Variants in LIPC observed in about 807,000 individuals in gnomAD.
The protein encoded by LIPC is hepatic triacylglycerol lipase.
Under a neutral mutation model 50.7 loss-of-function variants are expected in LIPC, and 44 were observed. The ratio of observed to expected loss-of-function variants is 0.87; its 90% CI spans 0.68 to 1.11. The LOEUF (loss-of-function observed/expected upper bound fraction) is 1.11. Ranked by LOEUF, LIPC falls within the 50% of genes most tolerant of loss-of-function variation. LIPC has a pLI of 0.00. For synonymous variants in LIPC, 271 were observed against 256.4 expected (o/e 1.06, Z -0.54); for missense variants, 697 against 648.2 (o/e 1.08, Z -0.82).
At position 58,526,586 on chromosome 15, in the gene LIPC, C is replaced by G. The variant is rs967591895; in HGVS notation, c.89-11747C>G. 2.0e-4 allele frequency among the ~76,000 whole-genome samples: 30 copies of G among 152,298 alleles called. 1 individual carries two copies. The highest frequency in any genetic ancestry group is 3.8e-4 in the Non-Finnish European group (26 of 68,026). On this transcript the variant is annotated intron_variant, in intron 1 of 8. Transcript: ENST00000299022. Reference sequence around the variant, plus strand: ...TTTTCTTGGCACAAAGGCACCGCGCCAAGCTACACAGCTAAGGCAGTGTGC... The same window carrying G: ...TTTTCTTGGCACAAAGGCACCGCGCGAAGCTACACAGCTAAGGCAGTGTGC...
Position 58,432,332 on chromosome 15 carries a change from T to C in LIPC, c.88+212T>C, listed in dbSNP as rs935740606. ...GAAAATCATCCTCGGATTAAAAGTCTTCTAAGAGTGCCTGCAGCTAGCAGT... is the reference window on the plus strand; with the variant it reads ...GAAAATCATCCTCGGATTAAAAGTCCTCTAAGAGTGCCTGCAGCTAGCAGT... On this transcript the variant is annotated intron_variant, in intron 1 of 8. Coordinates refer to ENST00000299022, the MANE Select transcript of LIPC (RefSeq NM_000236.3). 14 of 595,996 alleles carry C rather than the reference T, an allele frequency of 2.3e-5. No homozygotes were observed. The Admixed American group carries it at 2.8e-4, about 12-fold the overall frequency. The allele number at this position is 595,996 out of a possible 1,614,324, so 36.9% of individuals were successfully genotyped here. A position where few individuals can be genotyped will look rare whatever the true frequency, so the allele number is the denominator to read the frequency against.
At chr15:58,442,400 G>A (rs1182382445) in intron 1 of LIPC, among the ~76,000 whole-genome samples, 1 of 152,204 alleles carries the variant, frequency 6.6e-6, no homozygotes, top group Non-Finnish European at 1.5e-5. Context: ...ATGGGATTCT[G>A]TAAGAACAGC....
At chr15:58,519,240 C>G (rs1892577150) in intron 1 of LIPC, among the ~76,000 whole-genome samples, 1 of 151,890 alleles carries the variant, frequency 6.6e-6, no homozygotes, top group African/African-American at 2.4e-5. Context: ...AACCCTTTCT[C>G]TACTAAAAAT....
At chr15:58,562,335 G>A (rs1894193822) in intron 7 of LIPC, among the ~76,000 whole-genome samples, 2 of 152,226 alleles carry the variant, frequency 1.3e-5, no homozygotes, top group Admixed American at 6.5e-5. Flanking sequence ...GGCAGGTGGT[G>A]AGGGGCGGAG....
intron 6 of LIPC, among the ~76,000 whole-genome samples, chr15:58,556,705 T>C (rs1893967625): frequency 6.6e-6 from 1 of 152,242 alleles, no homozygotes; most frequent in South Asian, 2.1e-4. Flanking sequence ...TTTTAATGGC[T>C]TCATAAGAGT....
At chr15:58,566,041 A>G (rs1894355017) in intron 8 of LIPC, 3 of 983,736 alleles carry the variant, frequency 3.0e-6, no homozygotes, top group East Asian at 1.1e-4. Flanking sequence ...AACTTTCACG[A>G]GCATACAAAG....
At chr15:58,532,187 T>C (rs1187860161) in intron 1 of LIPC, among the ~76,000 whole-genome samples, 1 of 152,200 alleles carries the variant, frequency 6.6e-6, no homozygotes, top group African/African-American at 2.4e-5. Context: ...ACCATGGCCT[T>C]GGGCAGAATC....
chr15:58,479,218 C>G (rs1891105050), intron 1 of LIPC, among the ~76,000 whole-genome samples: 1 of 152,206 alleles, frequency 6.6e-6, no homozygotes, highest in South Asian at 2.1e-4. Flanking sequence ...AGCTCAACTT[C>G]TGCAGGAAAA....
At chr15:58,438,332 C>A (rs551806186) in intron 1 of LIPC, among the ~76,000 whole-genome samples, 7 of 152,280 alleles carry the variant, frequency 4.6e-5, no homozygotes, top group African/African-American at 1.7e-4. Context: ...GTGTCCCTGA[C>A]AGCCACGGGC....
chr15:58,557,160 T>A (rs534310369), intron 6 of LIPC, among the ~76,000 whole-genome samples: 1 of 152,112 alleles, frequency 6.6e-6, no homozygotes. Context: ...TGGAGTCAGG[T>A]TGTGTGAGCC....
At chr15:58,503,818 G>A (rs996001649) in intron 1 of LIPC, among the ~76,000 whole-genome samples, 16 of 152,274 alleles carry the variant, frequency 1.1e-4, no homozygotes, top group African/African-American at 3.4e-4. Context: ...GAGTAGGCAT[G>A]CCAGGCAGGT....
At chr15:58,433,192 G>A (rs1226491512) in intron 1 of LIPC, among the ~76,000 whole-genome samples, 1 of 152,144 alleles carries the variant, frequency 6.6e-6, no homozygotes, top group African/African-American at 2.4e-5. Flanking sequence ...GAGCCATACA[G>A]GTAAAATTGC....
chr15:58,552,342 G>T (rs2140935712), intron 6 of LIPC, among the ~76,000 whole-genome samples: 1 of 152,298 alleles, frequency 6.6e-6, no homozygotes, highest in Non-Finnish European at 1.5e-5. Context: ...AGGAAGCATC[G>T]CATTGAATCC....
chr15:58,541,495 G>T (rs1277362795), intron 2 of LIPC, among the ~76,000 whole-genome samples: 1 of 151,834 alleles, frequency 6.6e-6, no homozygotes, highest in Admixed American at 6.6e-5. Context: ...GGAGGGGGCG[G>T]GGGGGAACGT....
At chr15:58,496,487 G>C (rs753255020) in intron 1 of LIPC, among the ~76,000 whole-genome samples, 9 of 152,124 alleles carry the variant, frequency 5.9e-5, no homozygotes, top group Non-Finnish European at 1.2e-4. Context: ...GAGGGAAGGA[G>C]AGAGGGAGAA....
Position 58,565,214 on chromosome 15 carries a change from G to A in LIPC, c.1388+1491G>A, listed in dbSNP as rs575521393. The A allele has an allele frequency of 1.4e-5, 22 of 1,535,716 alleles. No homozygotes were observed. The African/African-American group carries it at 2.9e-4, about 20-fold the overall frequency. On this transcript the variant is annotated intron_variant, in intron 8 of 8. Transcript: ENST00000299022. Reference sequence around the variant, plus strand: ...AGGATCAATCTGGGAAGATTAAACTGCTCGCTCCTCTTCTGCACTGAGCTC... The same window carrying A: ...AGGATCAATCTGGGAAGATTAAACTACTCGCTCCTCTTCTGCACTGAGCTC...
intron 1 of LIPC, among the ~76,000 whole-genome samples, chr15:58,458,055 A>G (rs1211619981): frequency 6.6e-6 from 1 of 152,226 alleles, no homozygotes; most frequent in East Asian, 1.9e-4. Context: ...CTAGACAATA[A>G]CAAAAATTAA....
intron 1 of LIPC, among the ~76,000 whole-genome samples, chr15:58,451,769 A>T (rs1468948242): frequency 1.3e-5 from 2 of 152,162 alleles, no homozygotes; most frequent in African/African-American, 2.4e-5. Context: ...GCGGGAGGCA[A>T]GGGCGGCTCC....
intron 1 of LIPC, among the ~76,000 whole-genome samples, chr15:58,441,769 T>TCTAG (rs1431474836): frequency 2.0e-5 from 3 of 152,212 alleles, no homozygotes; most frequent in African/African-American, 7.2e-5. Flanking sequence ...CAATAAATGA[T>TCTAG]CTAGCAGATG....
Sources: allele counts gnomAD v4.1 joint callset (sites outside exome capture counted in the v4.1 genomes callset), GRCh38; gene constraint gnomAD v4.1.1; transcripts MANE v1.5; gene names NCBI Gene and HGNC (gene_info 2026-07-23, HGNC 2026-07-21).